Variants in RTN4 observed in about 807,000 individuals in gnomAD.
The protein encoded by RTN4 is reticulon 4, also known as reticulon-4.
Under a neutral mutation model 90.4 loss-of-function variants are expected in RTN4, and 32 were observed. The ratio of observed to expected loss-of-function variants is 0.35; its 90% CI spans 0.27 to 0.48. RTN4 has a LOEUF of 0.48. Among genes scored for constraint, RTN4 ranks in the 20% least tolerant of loss-of-function variants. The pLI is 0.99. For synonymous variants in RTN4, 629 were observed against 552.5 expected, an observed-to-expected ratio of 1.14 and a Z score of -1.94; for missense variants, 1,706 against 1,430.2, an observed-to-expected ratio of 1.19 and a Z score of -3.11.
the RTN4 span, among the ~76,000 whole-genome samples, chr2:55,137,428 G>A: frequency 6.4e-3 from 976 of 152,268 alleles, 6 homozygotes; most frequent in Middle Eastern, 0.01. Flanking sequence ...TAGGAGTAAC[G>A]AATACCTGGA....
At chr2:55,036,705 T>C (rs1682717238) in intron 1 of RTN4, among the ~76,000 whole-genome samples, 1 of 151,496 alleles carries the variant, frequency 6.6e-6, no homozygotes, top group Non-Finnish European at 1.5e-5. Context: ...AAAAACCATA[T>C]GATCATCTCA....
At chr2:55,070,062 T>A (rs1361785663) in intron 2 of RTN4, among the ~76,000 whole-genome samples, 1 of 152,158 alleles carries the variant, frequency 6.6e-6, no homozygotes, top group Non-Finnish European at 1.5e-5. Flanking sequence ...ACTGATAACA[T>A]GCCAAGCACC....
chr2:55,021,207 G>A (rs1481165214), intron 3 of RTN4, among the ~76,000 whole-genome samples: 1 of 152,096 alleles, frequency 6.6e-6, no homozygotes, highest in Non-Finnish European at 1.5e-5. Context: ...GACCACTGCT[G>A]TATTTTGGTA....
intron 1 of RTN4, among the ~76,000 whole-genome samples, chr2:55,043,370 T>C (rs898423493): frequency 2.0e-5 from 3 of 152,228 alleles, no homozygotes; most frequent in African/African-American, 4.8e-5. Context: ...TTTATACTTT[T>C]ATCCTGGGCT....
chr2:55,078,424 T>A (rs1052863890), intron 2 of RTN4, among the ~76,000 whole-genome samples: 2 of 152,130 alleles, frequency 1.3e-5, no homozygotes, highest in African/African-American at 4.8e-5. Flanking sequence ...ATATTATTTT[T>A]AAATTGAATA....
chr2:55,124,385 CATGT>C, the RTN4 span, among the ~76,000 whole-genome samples: 2 of 152,302 alleles, frequency 1.3e-5, no homozygotes, highest in East Asian at 3.9e-4. Context: ...GCCTTGCAGG[CATGT>C]AAGGCTAAAT....
intron 3 of RTN4, among the ~76,000 whole-genome samples, chr2:54,992,243 A>C (rs972126532): frequency 6.6e-6 from 1 of 152,216 alleles, no homozygotes; most frequent in Non-Finnish European, 1.5e-5. Context: ...TCACATCATT[A>C]ATAAGTGGCA....
chr2:55,004,476 TA>T (rs1334801088), intron 3 of RTN4, among the ~76,000 whole-genome samples: 10 of 152,202 alleles, frequency 6.6e-5, no homozygotes, highest in African/African-American at 2.4e-4. Context: ...AATAAATGAT[TA>T]ACAGAATGCC....
At chr2:55,032,266 G>C (rs1416799867) in intron 1 of RTN4, among the ~76,000 whole-genome samples, 1 of 152,052 alleles carries the variant, frequency 6.6e-6, no homozygotes, top group East Asian at 1.9e-4. Flanking sequence ...TTTTAGTAGA[G>C]ACGGGGTTCA....
chr2:55,077,756 T>TACAC (rs200121610), intron 2 of RTN4, among the ~76,000 whole-genome samples: 5,357 of 144,358 alleles, frequency 0.037, 120 homozygotes, highest in South Asian at 0.11. Flanking sequence ...AAATGTTTTA[T>TACAC]ACACACACAC....
intron 1 of RTN4, among the ~76,000 whole-genome samples, chr2:55,111,846 C>T (rs916924397): frequency 2.0e-5 from 3 of 152,208 alleles, no homozygotes; most frequent in African/African-American, 7.2e-5. Flanking sequence ...TATCCATCTT[C>T]CCGAATGCTG....
chr2:55,089,019 G>C (rs887514082), intron 1 of RTN4, among the ~76,000 whole-genome samples: 1 of 152,006 alleles, frequency 6.6e-6, no homozygotes, highest in African/African-American at 2.4e-5. Flanking sequence ...TGCAACCTCC[G>C]CCTCCTGGGT....
At chr2:55,112,067 A>T (rs2972091) in intron 1 of RTN4, among the ~76,000 whole-genome samples, 1 of 152,318 alleles carries the variant, frequency 6.6e-6, no homozygotes. Context: ...AAATGCTACC[A>T]AACTCCAGAA....
intron 1 of RTN4, among the ~76,000 whole-genome samples, chr2:55,096,208 C>A (rs1669030947): frequency 6.6e-6 from 1 of 152,084 alleles, no homozygotes; most frequent in Admixed American, 6.6e-5. Context: ...TGCCTGTAAT[C>A]CCAGGTACTC....
At chr2:55,047,642 A>C (rs539956617) in intron 1 of RTN4, among the ~76,000 whole-genome samples, 4 of 152,184 alleles carry the variant, frequency 2.6e-5, no homozygotes, top group African/African-American at 9.6e-5. Context: ...CAAGGCTATG[A>C]AGATTTCCAA....
intron 3 of RTN4, among the ~76,000 whole-genome samples, chr2:55,016,733 C>A (rs907858298): frequency 2.0e-5 from 3 of 152,000 alleles, no homozygotes; most frequent in African/African-American, 7.3e-5. Context: ...GTACAATGAG[C>A]GTGTATTGTA....
At chr2:55,040,928 T>C (rs897472200) in intron 1 of RTN4, among the ~76,000 whole-genome samples, 1 of 151,550 alleles carries the variant, frequency 6.6e-6, no homozygotes, top group East Asian at 1.9e-4. Context: ...ATTCCATCAA[T>C]GAGAAAAACA....
chr2:55,102,701 A>G (rs1413813765), intron 1 of RTN4, among the ~76,000 whole-genome samples: 1 of 152,084 alleles, frequency 6.6e-6, no homozygotes, highest in Non-Finnish European at 1.5e-5. Context: ...GAAGGGTAGG[A>G]GGTAGGAGAG....
chr2:55,026,892 T>C lies in RTN4; in HGVS notation c.1207A>G (p.Ser403Gly), dbSNP rs573253840. Reference sequence around the variant, plus strand: ...TTACCTCCAGCAGCCAACATATCACTATCTTCCTTACTATCTTTCACTTCC... The same window carrying C: ...TTACCTCCAGCAGCCAACATATCACCATCTTCCTTACTATCTTTCACTTCC... ...VWEVKDSKED[S>G]DMLAAGGKIE... The change falls in exon 3 of 9, where the codon AGT becomes GGT. Residue 403 changes from serine to glycine, a missense_variant. Physicochemically the swap from Ser to Gly is moderately conservative, Grantham distance 56 (BLOSUM62 0). Transcript: ENST00000337526. 12 of 1,613,862 alleles carry C rather than the reference T, an allele frequency of 7.4e-6. No homozygotes were observed. In the Admixed American group the frequency reaches 8.3e-5, roughly 11 times the overall value.
Sources: gnomAD v4.1 joint callset for allele counts (sites outside exome capture counted in the v4.1 genomes callset) on GRCh38, gnomAD v4.1.1 for gene constraint, MANE v1.5 for transcripts, NCBI Gene and HGNC (gene_info 2026-07-23, HGNC 2026-07-21) for gene names.